Variants in ACOX1 observed in about 807,000 individuals in gnomAD.
The protein encoded by ACOX1 is acyl-CoA oxidase 1.
In ACOX1, 41 loss-of-function variants were observed where a neutral mutation model predicts 75.5. That is an observed-to-expected ratio of 0.54 (90% CI 0.42 to 0.70). The LOEUF (loss-of-function observed/expected upper bound fraction) is 0.70. ACOX1 is among the 30% of genes least tolerant of loss of function. The probability of loss-of-function intolerance (pLI) is 0.00; values close to 1 mark genes in which losing one functional copy is unlikely to be tolerated. For synonymous variants in ACOX1, 303 were observed against 298.8 expected (o/e 1.01, Z -0.15); for missense variants, 630 against 837.5 (o/e 0.75, Z 3.06).
intron 2 of ACOX1, among the ~76,000 whole-genome samples, chr17:75,967,388 T>G (rs1018088284): frequency 1.3e-5 from 2 of 150,372 alleles, no homozygotes; most frequent in African/African-American, 4.9e-5. Flanking sequence ...AGAATGGCTT[T>G]GAACCCAGGA....
At chr17:75,951,087 A>T in intron 8 of ACOX1, 123 bp from the exon 9 acceptor site, 2 of 1,043,390 alleles carry the variant, frequency 1.9e-6, no homozygotes, top group Non-Finnish European at 2.9e-6. Context: ...CACACATGCA[A>T]ACTGAAGAAG....
chr17:75,973,626 G>A lies in ACOX1; in HGVS notation c.269+4908C>T, dbSNP rs3198448. ...CACAGACCCTCAATGTGGACTAACCGTGGCCCATTTCCGTCTGGGCGTAGG... is the reference window on the plus strand; with the variant it reads ...CACAGACCCTCAATGTGGACTAACCATGGCCCATTTCCGTCTGGGCGTAGG... On this transcript the variant is annotated intron_variant, in intron 2 of 13. Coordinates refer to ENST00000293217, the MANE Select transcript of ACOX1 (RefSeq NM_004035.7). 3.7e-5 allele frequency: 59 copies of A among 1,614,016 alleles called. 1 individual carries two copies. The highest frequency in any genetic ancestry group is 2.1e-4 in the South Asian group (19 of 91,092).
chr17:75,949,924 T>C (rs200509453), intron 9 of ACOX1, 27 bp from the exon 10 acceptor site: 544 of 1,613,272 alleles, frequency 3.4e-4, no homozygotes, highest in Middle Eastern at 6.6e-4. Flanking sequence ...AACATGCTTT[T>C]AGTAACTCTA....
In ACOX1 at chr17:75,955,660, C is replaced by G; in HGVS notation, c.680G>C (p.Gly227Ala). 1 of 1,614,036 alleles carries G rather than the reference C, an allele frequency of 6.2e-7. No individual in the cohort carries two copies. The highest frequency in any genetic ancestry group is 8.5e-7 in the Non-Finnish European group (1 of 1,179,948). ...TATCTCATCATAACCAAATTTGGGG[C>G]CGATGTCACCAACGGTAATTCCTAC... ...PLPGITVGDI[G>A]PKFGYDEIDN... Residue 227 changes from glycine (G) to alanine (A), a missense_variant, in exon 6 of 14, where the codon GGC becomes GCC. Transcript: ENST00000293217.
At chr17:75,968,604 T>TG in intron 2 of ACOX1, among the ~76,000 whole-genome samples, 1 of 57,926 alleles carries the variant, frequency 1.7e-5, no homozygotes, top group Non-Finnish European at 2.9e-5. Flanking sequence ...AGACTCCGCC[T>TG]GAAAAAAAAA....
intron 2 of ACOX1, among the ~76,000 whole-genome samples, chr17:75,975,891 GAAAAA>G (rs973890449): frequency 2.1e-5 from 3 of 145,036 alleles, no homozygotes; most frequent in African/African-American, 7.6e-5. Flanking sequence ...GAGAGAGAAA[GAAAAA>G]GAAAGAGGAA....
intron 2 of ACOX1, among the ~76,000 whole-genome samples, chr17:75,974,627 T>C (rs775714288): frequency 6.6e-6 from 1 of 152,216 alleles, no homozygotes; most frequent in East Asian, 1.9e-4. Flanking sequence ...GAAGCAATGT[T>C]ACTACCAGTT....
At position 75,978,973 on chromosome 17, in the gene ACOX1, C is replaced by T; in HGVS notation, c.101G>A (p.Arg34Gln). 1.2e-6 allele frequency: 2 copies of T among 1,610,292 alleles called. No homozygotes were observed. Among genetic ancestry groups the T allele is most frequent in the South Asian group, 1.1e-5 (1 of 91,084 alleles). ...TCGCCCGCCGCCCTCACCGATCTCT[C>T]GGCGGCGCCGGGTTTTCTCGGGGCT... ...DGSPEKTRRR[R>Q]EIENMILNDP... Residue 34 changes from arginine to glutamine, a missense_variant, in exon 1 of 14, where the codon CGA becomes CAA. Coordinates refer to ENST00000293217, the MANE Select transcript of ACOX1 (RefSeq NM_004035.7). This position sits in a 1 kb window ranked among gnomAD's most constrained non-coding sequence, Gnocchi z 4.2.
At chr17:75,957,604 G>A (rs1328545109) in intron 3 of ACOX1, 38 bp from the exon 4 acceptor site, 8 of 1,544,384 alleles carry the variant, frequency 5.2e-6, no homozygotes, top group Non-Finnish European at 7.2e-6. Flanking sequence ...GTTAAGAGAT[G>A]GGGAAAAAAA....
intron 3 of ACOX1, among the ~76,000 whole-genome samples, chr17:75,958,795 A>C (rs544753225): frequency 6.9e-6 from 1 of 144,842 alleles, no homozygotes; most frequent in Non-Finnish European, 1.5e-5. Context: ...GCGACAGAGC[A>C]CGACTCCGTC....
At chr17:75,949,943 T>C in intron 9 of ACOX1, 46 bp from the exon 10 acceptor site, 2 of 1,607,900 alleles carry the variant, frequency 1.2e-6, no homozygotes, top group Non-Finnish European at 8.5e-7. Flanking sequence ...TACTTTCTTT[T>C]GTTTCTTTTG....
rs1325371985 is a variant in ACOX1, at chr17:75,968,959, ATAAAT to A, written c.270-8589_270-8585del. On this transcript the variant is annotated intron_variant, in intron 2 of 13. Transcript: ENST00000293217. Reference sequence around the variant, plus strand: ...AAAAGAAATATGTTAAAGTAGCAAAATAAATTAAAGTGACCACGTTGATGGAGCTG... The same window carrying A: ...AAAAGAAATATGTTAAAGTAGCAAAATAAAGTGACCACGTTGATGGAGCTG... Among the ~76,000 whole-genome samples, 5 of 152,228 alleles carry A rather than the reference ATAAAT, an allele frequency of 3.3e-5. No individual in the cohort carries two copies. The East Asian group carries it at 5.8e-4, about 18-fold the overall frequency.
rs1415325460 is a variant in ACOX1, at chr17:75,950,749, G to C, written c.1298+25C>G. 6.2e-7 allele frequency: 1 copy of C among 1,609,098 alleles called. No homozygotes were observed. The highest frequency in any genetic ancestry group is 8.5e-7 in the Non-Finnish European group (1 of 1,175,764). ...CTAGAACATTCTTATGAACAGATGG[G>C]AGGAATCGAGGATTTGACTCTCACC... On this transcript the variant is annotated intron_variant, in intron 9 of 13. Transcript: ENST00000293217. The surrounding 1 kb of genome is among the most constrained non-coding windows in gnomAD (Gnocchi z 4.3).
chr17:75,979,153 G>T lies in ACOX1; in HGVS notation c.-80C>A, dbSNP rs2066091457. 1 of 1,558,060 alleles carries T rather than the reference G, an allele frequency of 6.4e-7. No individual in the cohort carries two copies. The highest frequency in any genetic ancestry group is 2.4e-5 in the East Asian group (1 of 42,550). On this transcript the variant is annotated 5_prime_UTR_variant, in exon 1 of 14. Transcript: ENST00000293217. ...TAAATCCGCAGCTCCAGCGCCGGCCGGACCCTAGGAGGCAGCCTCAGGACG... is the reference window on the plus strand; with the variant it reads ...TAAATCCGCAGCTCCAGCGCCGGCCTGACCCTAGGAGGCAGCCTCAGGACG...
At chr17:75,965,002 C>T (rs371214710) in intron 2 of ACOX1, among the ~76,000 whole-genome samples, 5 of 151,964 alleles carry the variant, frequency 3.3e-5, no homozygotes, top group Admixed American at 1.3e-4. Context: ...CAAAATACCA[C>T]AATAAGTGAA....
At chr17:75,953,289 TAAGAA>T (rs1472726554) in intron 7 of ACOX1, 157 bp downstream of exon 7, 2 of 743,746 alleles carry the variant, frequency 2.7e-6, no homozygotes, top group East Asian at 2.9e-5. Context: ...TCTTTCCTCT[TAAGAA>T]AAGGAAGCCT....
chr17:75,946,890 A>G, intron 13 of ACOX1, 95 bp from the exon 14 acceptor site: 1 of 1,159,128 alleles, frequency 8.6e-7, no homozygotes, highest in East Asian at 2.6e-5. Context: ...TTTTTTTGAG[A>G]CTGAGTCCTG....
In ACOX1 at chr17:75,966,564, G is replaced by T. The variant is rs1047432538; in HGVS notation, c.270-6189C>A. Among the ~76,000 whole-genome samples the T allele has an allele frequency of 2.6e-5, 4 of 152,258 alleles. No homozygotes were observed. In the East Asian group the frequency reaches 7.7e-4, roughly 29 times the overall value. ...CACGCCTGTAATCCCAGCATTCTGG[G>T]AGGCCGAGGTGGGTGAATCACGAGG... is the stretch of plus-strand genomic sequence containing the variant. On this transcript the variant is annotated intron_variant, in intron 2 of 13. Transcript: ENST00000293217.
At chr17:75,973,578 C>A in intron 2 of ACOX1, 1 of 1,604,896 alleles carries the variant, frequency 6.2e-7, no homozygotes, top group South Asian at 1.1e-5. Flanking sequence ...TCACTGTTAA[C>A]TGATGTCCTG....
Sources: gnomAD v4.1 joint callset for allele counts (sites outside exome capture counted in the v4.1 genomes callset) on GRCh38, gnomAD v4.1.1 for gene constraint, Gnocchi (gnomAD v3.1) non-coding constraint, MANE v1.5 for transcripts, NCBI Gene and HGNC (gene_info 2026-07-23, HGNC 2026-07-21) for gene names.